Variants in APBB2 observed in about 807,000 individuals in gnomAD.
APBB2 encodes the protein amyloid beta precursor protein binding family B member 2, also known as Fe65-like 1.
Under a neutral mutation model 82.5 loss-of-function variants are expected in APBB2, and 38 were observed. That is an observed-to-expected ratio of 0.46 (90% confidence interval 0.36 to 0.60). APBB2 has a LOEUF of 0.60. Among genes scored for constraint, APBB2 ranks in the 20% least tolerant of loss-of-function variants. The probability of loss-of-function intolerance (pLI) is 0.00; values close to 1 mark genes in which losing one functional copy is unlikely to be tolerated. For missense variants in APBB2, 772 were observed against 972.3 expected, an observed-to-expected ratio of 0.79 and a Z score of 2.74; for synonymous variants, 341 against 368.2, an observed-to-expected ratio of 0.93 and a Z score of 0.85.
rs1286776626 is a variant in APBB2 at position 41,014,110 on chromosome 4, C to T, written c.308G>A (p.Gly103Glu). The T allele has an allele frequency of 1.9e-6, 3 of 1,614,048 alleles. No homozygotes were observed. Among genetic ancestry groups the T allele is most frequent in the African/African-American group, 2.7e-5 (2 of 74,908 alleles). ...TGCAGCCTTACGGAGCTGGTTCTCC[C>T]CATTTTTCACCAGCTTGATGTTGGC... ...GSANIKLVKN[G>E]ENQLRKAAEQ... is the part of the protein sequence containing the mutation. The change falls in exon 6 of 18, where the codon GGG becomes GAG. Residue 103 changes from glycine (G) to glutamate (E), a missense_variant. Gly to Glu is a moderately conservative substitution (Grantham distance 98). Coordinates refer to ENST00000508593, the MANE Select transcript of APBB2 (RefSeq NM_004307.2).
At chr4:41,159,537 G>A (rs1191412242) in intron 1 of APBB2, among the ~76,000 whole-genome samples, 1 of 152,124 alleles carries the variant, frequency 6.6e-6, no homozygotes, top group Non-Finnish European at 1.5e-5. Flanking sequence ...AAGAACTACA[G>A]TTTATGAATG....
At chr4:40,944,087 T>A (rs143913688) in intron 7 of APBB2, among the ~76,000 whole-genome samples, 12 of 152,348 alleles carry the variant, frequency 7.9e-5, no homozygotes, top group Non-Finnish European at 1.5e-4. Context: ...ATGGGCTTGT[T>A]CAAAGAACCA....
intron 4 of APBB2, among the ~76,000 whole-genome samples, chr4:41,049,381 C>CGT (rs1318610906): frequency 3.6e-5 from 4 of 112,624 alleles, no homozygotes; most frequent in Admixed American, 9.0e-5. Flanking sequence ...GGGGGGTCAG[C>CGT]CCCCGCCCAG....
intron 11 of APBB2, chr4:40,892,281 G>A (rs560680773): frequency 2.0e-5 from 3 of 152,322 alleles, no homozygotes; most frequent in South Asian, 2.1e-4. Flanking sequence ...GAGATAATGC[G>A]GTGAGAGAGG....
intron 1 of APBB2, among the ~76,000 whole-genome samples, chr4:41,166,874 G>T (rs1766803530): frequency 6.6e-6 from 1 of 152,136 alleles, no homozygotes; most frequent in Non-Finnish European, 1.5e-5. Flanking sequence ...TCCAGCCTGA[G>T]CAGAAAAATA....
intron 4 of APBB2, among the ~76,000 whole-genome samples, 157 bp from the exon 5 acceptor site, chr4:41,033,461 T>A (rs77364600): frequency 6.6e-6 from 1 of 152,140 alleles, no homozygotes; most frequent in African/African-American, 2.4e-5. Flanking sequence ...TAGTTGGTCA[T>A]ACCACTTTTG....
At chr4:41,050,416 A>T (rs1373263491) in intron 4 of APBB2, among the ~76,000 whole-genome samples, 1 of 152,238 alleles carries the variant, frequency 6.6e-6, no homozygotes, top group Non-Finnish European at 1.5e-5. Flanking sequence ...TGGCACACGC[A>T]TGGACATTCT....
chr4:40,845,469 TG>T (rs1036381959), intron 12 of APBB2, among the ~76,000 whole-genome samples: 1 of 151,902 alleles, frequency 6.6e-6, no homozygotes, highest in Non-Finnish European at 1.5e-5. Flanking sequence ...ATGCTCTCCG[TG>T]GCTGTTCCTT....
chr4:40,974,550 G>T (rs1297891096), intron 6 of APBB2, among the ~76,000 whole-genome samples: 1 of 151,916 alleles, frequency 6.6e-6, no homozygotes, highest in Non-Finnish European at 1.5e-5. Flanking sequence ...GAGACTAAAA[G>T]AACAGAAGTT....
At chr4:40,831,649 C>G (rs1465598930) in intron 12 of APBB2, among the ~76,000 whole-genome samples, 2 of 152,276 alleles carry the variant, frequency 1.3e-5, no homozygotes, top group Non-Finnish European at 2.9e-5. Context: ...AACAATGGAC[C>G]AGCCCACAGC....
intron 2 of APBB2, among the ~76,000 whole-genome samples, chr4:41,103,936 T>C (rs965044827): frequency 6.6e-6 from 1 of 152,244 alleles, no homozygotes; most frequent in Non-Finnish European, 1.5e-5. Context: ...TTAAAGTTTA[T>C]AAACCCATTA....
chr4:41,058,288 T>C (rs6811585), intron 4 of APBB2, among the ~76,000 whole-genome samples: 8,420 of 146,140 alleles, frequency 0.058, 774 homozygotes, highest in African/African-American at 0.22. Flanking sequence ...ACAAGAGAGG[T>C]TTAAAAAAAA....
At chr4:40,831,005 G>A (rs1350079550) in intron 12 of APBB2, among the ~76,000 whole-genome samples, 1 of 152,210 alleles carries the variant, frequency 6.6e-6, no homozygotes, top group East Asian at 1.9e-4. Flanking sequence ...AGGGTGAGGT[G>A]GGAGAACTGC....
Position 40,849,011 on chromosome 4 carries a change from C to G in APBB2, c.1530-18434G>C, listed in dbSNP as rs563753193. On this transcript the variant is annotated intron_variant, in intron 12 of 17. Coordinates refer to ENST00000508593, the MANE Select transcript of APBB2 (RefSeq NM_004307.2). The stretch of plus-strand genomic sequence containing the variant: ...TTACCACTGTCTGGCACATAGTAGG[C>G]AATCAATCAATATTCTTGAATATGT... 5 of 476,084 alleles carry G rather than the reference C, an allele frequency of 1.1e-5. No homozygotes were observed. In the East Asian group the frequency reaches 7.7e-4, roughly 73 times the overall value. 29.5% of individuals were successfully genotyped at this position (476,084 alleles called of 1,614,324 possible).
chr4:41,074,589 G>A (rs934960299), intron 3 of APBB2, among the ~76,000 whole-genome samples: 1 of 149,482 alleles, frequency 6.7e-6, no homozygotes, highest in East Asian at 2.0e-4. Context: ...ACCATATGAA[G>A]GCAAATATTA....
At chr4:41,059,392 T>C (rs538905025) in intron 4 of APBB2, among the ~76,000 whole-genome samples, 9 of 152,374 alleles carry the variant, frequency 5.9e-5, no homozygotes, top group Admixed American at 3.3e-4. Flanking sequence ...ACCCAGGATG[T>C]TGGGGGCAAG....
At chr4:40,883,139 T>G (rs1221743283) in intron 12 of APBB2, among the ~76,000 whole-genome samples, 1 of 152,176 alleles carries the variant, frequency 6.6e-6, no homozygotes, top group Non-Finnish European at 1.5e-5. Flanking sequence ...GCATGAGAAC[T>G]AACCTCTGGC....
At position 41,014,140 on chromosome 4, in the gene APBB2, C is replaced by G. The variant is rs776709804; in HGVS notation, c.278G>C (p.Gly93Ala). The G allele has an allele frequency of 6.2e-7, 1 of 1,614,190 alleles. No individual in the cohort carries two copies. The highest frequency in any genetic ancestry group is 1.7e-5 in the Admixed American group (1 of 60,020). The change falls in exon 6 of 18, where the codon GGC becomes GCC. Residue 93 changes from glycine (G) to alanine (A), a missense_variant. Coordinates refer to ENST00000508593, the MANE Select transcript of APBB2 (RefSeq NM_004307.2). ...DPAAQPLLGN[G>A]SANIKLVKNG... ...TTTCACCAGCTTGATGTTGGCAGAG[C>G]CATTTCCCAGCAGGGGCTGTGCAGC...
rs547865295 is a variant in APBB2 at position 40,911,609 on chromosome 4, A to G, written c.1255-18198T>C. ...GGGCTTACTCTGCCCAATCCAATCC[A>G]TGTCTGGCTTATCAGGAGCGCCATC... is the stretch of plus-strand genomic sequence containing the variant. On this transcript the variant is annotated intron_variant, in intron 10 of 17. Coordinates refer to ENST00000508593, the MANE Select transcript of APBB2 (RefSeq NM_004307.2). 1.6e-4 allele frequency among the ~76,000 whole-genome samples: 25 copies of G among 152,194 alleles called. No individual in the cohort carries two copies. In the East Asian group the frequency reaches 4.6e-3, roughly 28 times the overall value.
Sources: gnomAD v4.1 joint callset for allele counts (sites outside exome capture counted in the v4.1 genomes callset) on GRCh38, gnomAD v4.1.1 for gene constraint, MANE v1.5 for transcripts, NCBI Gene and HGNC (gene_info 2026-07-23, HGNC 2026-07-21) for gene names.